ANKH: variants seen among roughly 807,000 people sequenced by gnomAD.
ANKH encodes mineralization regulator ANKH.
In ANKH, 15 loss-of-function variants were observed where a neutral mutation model predicts 49.0. That is an observed-to-expected ratio of 0.31 (90% CI 0.20 to 0.47). ANKH has a LOEUF of 0.47. Among genes scored for constraint, ANKH ranks in the 20% least tolerant of loss-of-function variants. The probability of loss-of-function intolerance (pLI) is 1.00; values close to 1 mark genes in which losing one functional copy is unlikely to be tolerated. For missense variants in ANKH, 429 were observed against 652.0 expected (o/e 0.66, Z 3.72); for synonymous variants, 273 against 260.0 (o/e 1.05, Z -0.48).
chr5:14,840,225 C>A (rs994407817), intron 1 of ANKH, among the ~76,000 whole-genome samples: 4 of 152,144 alleles, frequency 2.6e-5, no homozygotes, highest in Non-Finnish European at 4.4e-5. Flanking sequence ...AGTGTCTGGC[C>A]AGGGCAAGGA....
chr5:14,721,886 T>C lies in ANKH; in HGVS notation c.1012-5051A>G, dbSNP rs544122559. ...CGGAGCTTGCAGTGAGCTGAGATCA[T>C]GCCACTGCACTCCAGCCTGGGCGAC... On this transcript the variant is annotated intron_variant, in intron 8 of 11. Coordinates refer to ENST00000284268, the MANE Select transcript of ANKH (RefSeq NM_054027.6). Among the ~76,000 whole-genome samples the C allele has an allele frequency of 4.8e-3, 594 of 124,372 alleles. 4 individuals are homozygous for C. Among genetic ancestry groups the C allele is most frequent in the African/African-American group, 0.016 (508 of 32,048 alleles). The allele number at this position is 124,372 out of a possible 152,430, so 81.6% of individuals were successfully genotyped here. A position where few individuals can be genotyped will look rare whatever the true frequency, so the allele number is the denominator to read the frequency against.
chr5:14,716,564 C>A, intron 9 of ANKH, 142 bp downstream of exon 9: 1 of 1,011,954 alleles, frequency 9.9e-7, no homozygotes, highest in Middle Eastern at 3.0e-4. Context: ...TTTTAACCTA[C>A]TGGCTAATGT....
intron 8 of ANKH, among the ~76,000 whole-genome samples, chr5:14,718,341 A>T (rs570062309): frequency 2.0e-4 from 30 of 152,270 alleles, no homozygotes; most frequent in African/African-American, 7.0e-4. Context: ...CCAGACTTTG[A>T]CAAAGGCCTC....
At chr5:14,744,710 C>T (rs963031277) in intron 7 of ANKH, among the ~76,000 whole-genome samples, 3 of 152,244 alleles carry the variant, frequency 2.0e-5, no homozygotes, top group African/African-American at 7.2e-5. Flanking sequence ...TGGGGGGATG[C>T]CCTTGGGCCA....
At chr5:14,771,938 A>AAAAAAAC (rs1739452318) in intron 1 of ANKH, among the ~76,000 whole-genome samples, 1 of 128,944 alleles carries the variant, frequency 7.8e-6, no homozygotes, top group Non-Finnish European at 1.6e-5. Context: ...AAAAAAAAAA[A>AAAAAAAC]AAAAAAAAAC....
chr5:14,760,916 T>C (rs934231005), intron 2 of ANKH, among the ~76,000 whole-genome samples: 1 of 152,252 alleles, frequency 6.6e-6, no homozygotes, highest in African/African-American at 2.4e-5. Flanking sequence ...ACCCCTGGCA[T>C]CTCAGGATGT....
chr5:14,758,211 T>G (rs1738963248), intron 3 of ANKH, among the ~76,000 whole-genome samples: 1 of 152,222 alleles, frequency 6.6e-6, no homozygotes. Flanking sequence ...TTTTGAGGTA[T>G]CTCAAGTAGT....
At chr5:14,724,105 G>A (rs1166151338) in intron 8 of ANKH, among the ~76,000 whole-genome samples, 1 of 152,116 alleles carries the variant, frequency 6.6e-6, no homozygotes, top group Admixed American at 6.6e-5. Context: ...ATCACTTGAG[G>A]TCAAGAGTTC....
intron 1 of ANKH, among the ~76,000 whole-genome samples, chr5:14,817,279 T>C (rs947660212): frequency 2.0e-5 from 3 of 152,112 alleles, no homozygotes; most frequent in Non-Finnish European, 2.9e-5. Context: ...TTGATGGTGA[T>C]AGGTTTCTAT....
chr5:14,785,022 C>T (rs773151323), intron 1 of ANKH, among the ~76,000 whole-genome samples: 26 of 152,156 alleles, frequency 1.7e-4, no homozygotes, highest in Non-Finnish European at 2.5e-4. Context: ...CTGCCGCGTG[C>T]GGTGGCTTGG....
chr5:14,824,317 G>GA (rs1741279418), intron 1 of ANKH, among the ~76,000 whole-genome samples: 1 of 152,082 alleles, frequency 6.6e-6, no homozygotes, highest in South Asian at 2.1e-4. Flanking sequence ...ATTCTCGTTT[G>GA]AAAATAAAAA....
intron 2 of ANKH, among the ~76,000 whole-genome samples, chr5:14,764,498 T>A (rs1739196548): frequency 6.6e-6 from 1 of 152,192 alleles, no homozygotes; most frequent in Non-Finnish European, 1.5e-5. Context: ...CAGAGCGACC[T>A]CCTGGCCCTC....
intron 1 of ANKH, chr5:14,797,718 G>A: frequency 1.2e-6 from 2 of 1,605,722 alleles, no homozygotes; most frequent in South Asian, 2.2e-5. Flanking sequence ...TTCTACTATT[G>A]CCGTATGCCC....
At chr5:14,834,289 T>C (rs543389858) in intron 1 of ANKH, among the ~76,000 whole-genome samples, 19 of 152,186 alleles carry the variant, frequency 1.2e-4, no homozygotes, top group African/African-American at 4.6e-4. Context: ...GGGGAAAGCA[T>C]TGGTAAATGC....
intron 11 of ANKH, among the ~76,000 whole-genome samples, chr5:14,711,810 C>T (rs1737219253): frequency 2.0e-5 from 3 of 152,224 alleles, no homozygotes; most frequent in Admixed American, 2.0e-4. Flanking sequence ...TGCCATGTTG[C>T]CTGTTCTTAC....
chr5:14,787,270 C>T (rs6897426), intron 1 of ANKH, among the ~76,000 whole-genome samples: 43 of 151,838 alleles, frequency 2.8e-4, no homozygotes, highest in African/African-American at 8.7e-4. Context: ...GCCAAGATAG[C>T]GCCATTGCAC....
intron 1 of ANKH, among the ~76,000 whole-genome samples, chr5:14,847,979 C>T (rs1442241412): frequency 1.3e-5 from 2 of 152,160 alleles, no homozygotes; most frequent in Non-Finnish European, 1.5e-5. Flanking sequence ...CCCAGCTCTA[C>T]TAAAAATAAA....
intron 1 of ANKH, among the ~76,000 whole-genome samples, chr5:14,867,424 T>C (rs1254535175): frequency 6.6e-6 from 1 of 152,228 alleles, no homozygotes; most frequent in East Asian, 1.9e-4. Flanking sequence ...ATTAATACTT[T>C]TGATTCTCAA....
At chr5:14,857,746 T>C (rs963967866) in intron 1 of ANKH, among the ~76,000 whole-genome samples, 1 of 152,204 alleles carries the variant, frequency 6.6e-6, no homozygotes, top group Non-Finnish European at 1.5e-5. Flanking sequence ...TTCAACATGG[T>C]GTGGCTGGAG....
Sources: gnomAD v4.1 joint callset for allele counts (sites outside exome capture counted in the v4.1 genomes callset) on GRCh38, gnomAD v4.1.1 for gene constraint, MANE v1.5 for transcripts, NCBI Gene and HGNC (gene_info 2026-07-23, HGNC 2026-07-21) for gene names.